RNF144A: variants seen among roughly 807,000 people sequenced by gnomAD.
RNF144A encodes E3 ubiquitin-protein ligase RNF144A.
A neutral mutation model predicts 38.7 loss-of-function variants in RNF144A; 11 were observed. The ratio of observed to expected loss-of-function variants is 0.28; its 90% CI spans 0.18 to 0.47. The LOEUF (loss-of-function observed/expected upper bound fraction) is 0.47. Among genes scored for constraint, RNF144A ranks in the 20% least tolerant of loss-of-function variants. The probability of loss-of-function intolerance (pLI) is 0.99; values close to 1 mark genes in which losing one functional copy is unlikely to be tolerated. For synonymous variants in RNF144A, 149 were observed against 143.9 expected, an observed-to-expected ratio of 1.04 and a Z score of -0.25; for missense variants, 316 against 377.2, an observed-to-expected ratio of 0.84 and a Z score of 1.34.
chr2:7,032,970 G>C (rs979844174), intron 8 of RNF144A, among the ~76,000 whole-genome samples: 6 of 152,256 alleles, frequency 3.9e-5, no homozygotes, highest in African/African-American at 1.4e-4. Flanking sequence ...GGGGGACCCG[G>C]CATTTGCACA....
intron 1 of RNF144A, among the ~76,000 whole-genome samples, chr2:6,936,063 C>T (rs1353505471): frequency 6.6e-6 from 1 of 152,184 alleles, no homozygotes; most frequent in Non-Finnish European, 1.5e-5. Context: ...GCGGCTCGGC[C>T]TATGGAAACA....
At chr2:7,030,716 G>T (rs1368576765) in intron 8 of RNF144A, among the ~76,000 whole-genome samples, 1 of 152,058 alleles carries the variant, frequency 6.6e-6, no homozygotes, top group Admixed American at 6.6e-5. Context: ...CCACAGACTG[G>T]GCAGGGGGAT....
rs543347031 is a variant in RNF144A, at chr2:6,941,693, C to T, written c.-12+546C>T. Among the ~76,000 whole-genome samples, 10 of 152,368 alleles carry T rather than the reference C, an allele frequency of 6.6e-5. No individual in the cohort carries two copies. The highest frequency in any genetic ancestry group is 6.2e-4 in the South Asian group (3 of 4,832). On this transcript the variant is annotated intron_variant, in intron 2 of 8. Transcript: ENST00000320892. The surrounding 1 kb of genome is among the most constrained non-coding windows in gnomAD (Gnocchi z 6.5). Reference sequence around the variant, plus strand: ...AAGAAAAAGTAGACCATGTCTAGTACGACGGGGCAGGTTGCAGTTTTAAGT... The same window carrying T: ...AAGAAAAAGTAGACCATGTCTAGTATGACGGGGCAGGTTGCAGTTTTAAGT...
At chr2:6,964,759 G>A (rs1487773612) in intron 2 of RNF144A, among the ~76,000 whole-genome samples, 1 of 145,818 alleles carries the variant, frequency 6.9e-6, no homozygotes, top group Non-Finnish European at 1.5e-5. Flanking sequence ...TCATAGGTGG[G>A]AATTGAAAAA....
At chr2:7,048,107 G>A (rs309295), downstream of RNF144A, among the ~76,000 whole-genome samples, 104,033 of 152,024 alleles carry the variant, frequency 0.68, 36,482 homozygotes, top group South Asian at 0.91. Context: ...AGTCCTGTCT[G>A]TTTTCAAGCC....
intron 1 of RNF144A, among the ~76,000 whole-genome samples, chr2:6,922,212 A>G (rs909955115): frequency 2.0e-5 from 3 of 152,118 alleles, no homozygotes; most frequent in Non-Finnish European, 4.4e-5. Flanking sequence ...CCTTGCTCCC[A>G]TGTCTTCCGA....
At chr2:6,926,432 G>A (rs79215271) in intron 1 of RNF144A, among the ~76,000 whole-genome samples, 4 of 152,222 alleles carry the variant, frequency 2.6e-5, no homozygotes, top group Non-Finnish European at 4.4e-5. Context: ...CCGTGCAGGG[G>A]TTGGCCGTGC....
Position 6,997,029 on chromosome 2 carries a change from A to G in RNF144A, c.103A>G (p.Ile35Val), listed in dbSNP as rs1468188623. 1.9e-6 allele frequency: 3 copies of G among 1,614,090 alleles called. No homozygotes were observed. Among genetic ancestry groups the G allele is most frequent in the African/African-American group, 2.7e-5 (2 of 74,936 alleles). ...GTACCCAGTGGAGCAGATGACAACC[A>G]TAGCCCAGTGCCAATGCATCTTCTG... ...GEYPVEQMTT[I>V]AQCQCIFCTL... The change falls in exon 3 of 9, where the codon ATA becomes GTA. Residue 35 changes from isoleucine (I) to valine (V), a missense_variant. Ile to Val is a conservative substitution (Grantham distance 29). Coordinates refer to ENST00000320892, the MANE Select transcript of RNF144A (RefSeq NM_014746.6).
intron 1 of RNF144A, among the ~76,000 whole-genome samples, chr2:6,933,975 G>C (rs1355795702): frequency 6.6e-6 from 1 of 151,890 alleles, no homozygotes; most frequent in Non-Finnish European, 1.5e-5. Flanking sequence ...GTTTTGTTTT[G>C]TTTTAACATA....
downstream of RNF144A, among the ~76,000 whole-genome samples, chr2:7,047,524 GAGAATAGCGCAGGAA>G (rs1473300914): frequency 6.6e-6 from 1 of 152,168 alleles, no homozygotes; most frequent in Non-Finnish European, 1.5e-5. Context: ...TCACTATCAC[GAGAATAGCGCAGGAA>G]AGACCAGCAC....
chr2:6,918,880 G>T (rs1664349148), intron 1 of RNF144A, among the ~76,000 whole-genome samples: 1 of 151,812 alleles, frequency 6.6e-6, no homozygotes, highest in Admixed American at 6.6e-5. Flanking sequence ...ACTATCCCCA[G>T]TGGATCCCTG....
chr2:7,024,651 G>A, intron 7 of RNF144A, 135 bp downstream of exon 7: 1 of 992,272 alleles, frequency 1.0e-6, no homozygotes. Flanking sequence ...ACCGTTTGGT[G>A]TTTCTCCTGG....
chr2:7,062,497 T>TAAAAAAAAA (rs70942688), intron 6 of RNF144A, among the ~76,000 whole-genome samples: 10 of 113,426 alleles, frequency 8.8e-5, no homozygotes, highest in Non-Finnish European at 1.3e-4. Flanking sequence ...TGCTGGGTGC[T>TAAAAAAAAA]AAAAAAAAAA....
At chr2:6,971,570 T>G (rs921533729) in intron 2 of RNF144A, among the ~76,000 whole-genome samples, 1 of 152,196 alleles carries the variant, frequency 6.6e-6, no homozygotes, top group Non-Finnish European at 1.5e-5. Flanking sequence ...TTTTGCAGTC[T>G]TCAGCTGTGT....
chr2:7,066,944 A>G (rs1674256909), intron 6 of RNF144A, among the ~76,000 whole-genome samples: 1 of 152,222 alleles, frequency 6.6e-6, no homozygotes. Flanking sequence ...TAAAAGTTCC[A>G]GGAAAGCAAA....
At chr2:7,006,279 T>A (rs576524351) in intron 3 of RNF144A, among the ~76,000 whole-genome samples, 1 of 152,316 alleles carries the variant, frequency 6.6e-6, no homozygotes, top group East Asian at 1.9e-4. Flanking sequence ...GTATTTTTCC[T>A]AATCAAGAGT....
chr2:6,972,463 G>C (rs1203752847), intron 2 of RNF144A, among the ~76,000 whole-genome samples: 1 of 152,186 alleles, frequency 6.6e-6, no homozygotes, highest in Non-Finnish European at 1.5e-5. Flanking sequence ...CAGGTGGATT[G>C]GGTGGAACGG....
At position 6,967,472 on chromosome 2, in the gene RNF144A, A is replaced by T. The variant is rs559643445; in HGVS notation, c.-12+26325A>T. ...CACCCTTGCCCCTTTCTGCATGGGG[A>T]CTTTGAGGAGCCCCTCAGCCTCGCC... is the stretch of plus-strand genomic sequence containing the variant. On this transcript the variant is annotated intron_variant, in intron 2 of 8. Transcript: ENST00000320892. Among the ~76,000 whole-genome samples the T allele has an allele frequency of 4.6e-5, 7 of 152,114 alleles. No individual in the cohort carries two copies. In the East Asian group the frequency reaches 1.4e-3, roughly 30 times the overall value.
chr2:7,076,321 G>C, the RNF144A span, among the ~76,000 whole-genome samples: 1 of 152,118 alleles, frequency 6.6e-6, no homozygotes, highest in Admixed American at 6.6e-5. Flanking sequence ...AATATAGCTT[G>C]GTTGTTTTCC....
Sources: allele counts gnomAD v4.1 joint callset (sites outside exome capture counted in the v4.1 genomes callset), GRCh38; gene constraint gnomAD v4.1.1; non-coding constraint Gnocchi (gnomAD v3.1); transcripts MANE v1.5; gene names NCBI Gene and HGNC (gene_info 2026-07-23, HGNC 2026-07-21).